Variants in TENM1 observed in about 807,000 individuals in gnomAD.
The protein encoded by TENM1 is teneurin transmembrane protein 1.
TENM1 carries 35 observed loss-of-function variants against 174.8 expected under a neutral mutation model. That is an observed-to-expected ratio of 0.20 (90% CI 0.15 to 0.27). The LOEUF (loss-of-function observed/expected upper bound fraction) is 0.27, where lower values mean the gene tolerates loss of function less well. Ranked by LOEUF, TENM1 falls within the 10% of genes least tolerant of loss-of-function variation. TENM1 has a pLI of 1.00. For missense variants in TENM1, 1,633 were observed against 2,130.1 expected, an observed-to-expected ratio of 0.77 and a Z score of 4.59; for synonymous variants, 781 against 798.7, an observed-to-expected ratio of 0.98 and a Z score of 0.37.
Position 124,912,734 on chromosome X carries a change from A to T in TENM1, c.218-16493T>A, listed in dbSNP as rs763937134. On this transcript the variant is annotated intron_variant, in intron 1 of 31. Coordinates refer to ENST00000422452, the Ensembl canonical transcript of TENM1. The stretch of plus-strand genomic sequence containing the variant: ...AAATAGTATTTGCTCTGAAAATTCC[A>T]AATCTGGGTAGGGTTATTTAAAAAC... Among the ~76,000 whole-genome samples the T allele has an allele frequency of 1.3e-3, 146 of 112,018 alleles. 1 individual carries two copies. The highest frequency in any genetic ancestry group is 4.6e-3 in the African/African-American group (141 of 30,851).
At chrX:125,035,227 T>C in the TENM1 span, among the ~76,000 whole-genome samples, 3 of 111,308 alleles carry the variant, frequency 2.7e-5, no homozygotes, top group Non-Finnish European at 5.7e-5. Context: ...GTCCTATAAT[T>C]TTAAATGTAT....
intron 16 of TENM1, among the ~76,000 whole-genome samples, chrX:124,525,749 T>G (rs1243657223): frequency 8.9e-6 from 1 of 111,920 alleles, no homozygotes; most frequent in Non-Finnish European, 1.9e-5. Flanking sequence ...CTTTGTGTCT[T>G]TGGGCTAGTT....
At chrX:125,036,349 G>A in the TENM1 span, among the ~76,000 whole-genome samples, 8 of 111,763 alleles carry the variant, frequency 7.2e-5, no homozygotes, top group African/African-American at 1.9e-4. Context: ...GCTTTGCAAC[G>A]TATTTGTGTT....
At chrX:124,471,983 T>C (rs1337017400) in intron 22 of TENM1, among the ~76,000 whole-genome samples, 7 of 107,139 alleles carry the variant, frequency 6.5e-5, no homozygotes. Flanking sequence ...GGGAAGTGCA[T>C]TTTCTGTTGA....
At chrX:125,135,191 G>A in the TENM1 span, among the ~76,000 whole-genome samples, 2 of 111,493 alleles carry the variant, frequency 1.8e-5, no homozygotes, top group Admixed American at 1.9e-4. Flanking sequence ...AAGTTGCTGG[G>A]TTTCATCCTT....
chrX:124,520,763 T>C, exon 18 of TENM1: 6 of 1,179,977 alleles, frequency 5.1e-6, no homozygotes, highest in Non-Finnish European at 5.7e-6. Flanking sequence ...CTGGAGGGAA[T>C]GGGAATTTCC....
chrX:125,058,013 G>T, the TENM1 span, among the ~76,000 whole-genome samples: 4 of 111,302 alleles, frequency 3.6e-5, no homozygotes, highest in Non-Finnish European at 7.6e-5. Flanking sequence ...GCAACAAAAT[G>T]AACACTTTAA....
At chrX:124,710,116 T>C (rs1231927593) in intron 4 of TENM1, among the ~76,000 whole-genome samples, 1 of 111,662 alleles carries the variant, frequency 9.0e-6, no homozygotes, top group Non-Finnish European at 1.9e-5. Flanking sequence ...TCTTTTTTAA[T>C]GTCTGCTTAA....
intron 22 of TENM1, among the ~76,000 whole-genome samples, chrX:124,478,000 C>T (rs2046770291): frequency 8.9e-6 from 1 of 112,211 alleles, no homozygotes; most frequent in African/African-American, 3.2e-5. Flanking sequence ...TTGTTGTGAA[C>T]ATCAGAGAAA....
chrX:124,718,094 T>G, intron 4 of TENM1, among the ~76,000 whole-genome samples: 1 of 112,509 alleles, frequency 8.9e-6, no homozygotes, highest in Middle Eastern at 4.6e-3. Flanking sequence ...TGGGCCATTT[T>G]TCTTTCAGGT....
At chrX:125,120,208 T>C in the TENM1 span, among the ~76,000 whole-genome samples, 1 of 89,243 alleles carries the variant, frequency 1.1e-5, no homozygotes, top group Non-Finnish European at 2.3e-5. Flanking sequence ...ACATTTCCTA[T>C]TTTTTTTACC....
the TENM1 span, among the ~76,000 whole-genome samples, chrX:125,165,421 C>G: frequency 9.0e-6 from 1 of 111,424 alleles, no homozygotes; most frequent in Non-Finnish European, 1.9e-5. Context: ...CATAGGAAGC[C>G]TAAATTACTA....
At chrX:125,033,719 T>A in the TENM1 span, among the ~76,000 whole-genome samples, 2 of 102,272 alleles carry the variant, frequency 2.0e-5, no homozygotes, top group Admixed American at 1.0e-4. Context: ...CAGATTTGCT[T>A]TTTTTTTTTT....
chrX:124,403,922 A>G (rs1418100522), intron 27 of TENM1, among the ~76,000 whole-genome samples: 1 of 110,910 alleles, frequency 9.0e-6, no homozygotes, highest in African/African-American at 3.3e-5. Flanking sequence ...TTCTCTTTAA[A>G]TTAGCCAATC....
chrX:124,982,571 C>T, the TENM1 span, among the ~76,000 whole-genome samples: 1 of 111,694 alleles, frequency 9.0e-6, no homozygotes, highest in African/African-American at 3.3e-5. Context: ...GCTACAAGAA[C>T]CTTTGCTACC....
chrX:124,944,773 T>C (rs2058377952), intron 1 of TENM1, among the ~76,000 whole-genome samples: 1 of 109,288 alleles, frequency 9.2e-6, no homozygotes, highest in South Asian at 4.0e-4. Flanking sequence ...CTAATAAGTA[T>C]AAATGTATAG....
intron 3 of TENM1, among the ~76,000 whole-genome samples, chrX:124,791,845 T>C (rs1178076322): frequency 1.8e-5 from 2 of 111,674 alleles, no homozygotes; most frequent in East Asian, 2.8e-4. Flanking sequence ...TTTAATGGCT[T>C]GTGTGTGCAT....
chrX:124,486,505 G>C (rs772631951), intron 21 of TENM1, among the ~76,000 whole-genome samples: 3 of 112,121 alleles, frequency 2.7e-5, no homozygotes, highest in South Asian at 7.4e-4. Flanking sequence ...ATCCAGATTA[G>C]AAACCCCATC....
intron 23 of TENM1, among the ~76,000 whole-genome samples, chrX:124,429,302 T>C (rs182532860): frequency 1.2e-3 from 136 of 112,043 alleles, no homozygotes; most frequent in Non-Finnish European, 1.8e-3. Context: ...TCATCTATTA[T>C]CTTTCAGTTC....
Sources: allele counts gnomAD v4.1 joint callset (sites outside exome capture counted in the v4.1 genomes callset), GRCh38; gene constraint gnomAD v4.1.1; transcripts MANE v1.5; gene names NCBI Gene and HGNC (gene_info 2026-07-23, HGNC 2026-07-21).